The following ZBTB46 variants were observed in gnomAD, a reference collection of about 807,000 sequenced individuals.
ZBTB46 encodes the protein zinc finger and BTB domain containing 46, also known as zinc finger and BTB domain-containing protein 46.
ZBTB46 carries 8 observed loss-of-function variants against 44.1 expected under a neutral mutation model. The ratio of observed to expected loss-of-function variants is 0.18; its 90% CI spans 0.11 to 0.33. The LOEUF (loss-of-function observed/expected upper bound fraction) is 0.33, where lower values mean the gene tolerates loss of function less well. Among genes scored for constraint, ZBTB46 ranks in the 10% least tolerant of loss-of-function variants. ZBTB46 has a pLI of 1.00. For missense variants in ZBTB46, 651 were observed against 847.7 expected, an observed-to-expected ratio of 0.77 and a Z score of 2.88; for synonymous variants, 409 against 382.3, an observed-to-expected ratio of 1.07 and a Z score of -0.81.
intron 1 of ZBTB46, among the ~76,000 whole-genome samples, chr20:63,798,726 C>G (rs2092622331): frequency 7.2e-6 from 1 of 139,580 alleles, no homozygotes; most frequent in Non-Finnish European, 1.5e-5. Flanking sequence ...ACCTGTGAGT[C>G]CCAGCTACTA....
chr20:63,833,021 C>T (rs534255357), upstream of ZBTB46, among the ~76,000 whole-genome samples: 14 of 152,110 alleles, frequency 9.2e-5, no homozygotes, highest in Non-Finnish European at 1.9e-4. Flanking sequence ...GCCCCAAGGG[C>T]CTCCCGCAGA....
intron 1 of ZBTB46, among the ~76,000 whole-genome samples, chr20:63,791,495 CAAAAAAA>C (rs59810640): frequency 4.9e-5 from 3 of 61,230 alleles, no homozygotes; most frequent in East Asian, 4.2e-4. Flanking sequence ...GACTCCATCT[CAAAAAAA>C]AAAAAAAAAA....
chr20:63,811,492 C>T (rs1162121023), intron 1 of ZBTB46, among the ~76,000 whole-genome samples: 2 of 152,190 alleles, frequency 1.3e-5, no homozygotes, highest in East Asian at 3.8e-4. Flanking sequence ...GTCACCTCCT[C>T]TGAAAGTATT....
chr20:63,749,913 A>T (rs1310469708), intron 4 of ZBTB46, among the ~76,000 whole-genome samples: 1 of 152,240 alleles, frequency 6.6e-6, no homozygotes, highest in Non-Finnish European at 1.5e-5. Flanking sequence ...CCCTGGAAGG[A>T]AGCAAGAAGG....
intron 1 of ZBTB46, among the ~76,000 whole-genome samples, chr20:63,818,360 C>T (rs368725113): frequency 8.9e-4 from 136 of 152,334 alleles, no homozygotes; most frequent in African/African-American, 3.0e-3. Context: ...AGCTGGGCTG[C>T]GTAAGGAGGT....
intron 4 of ZBTB46, among the ~76,000 whole-genome samples, chr20:63,747,704 G>A (rs1177699476): frequency 6.6e-6 from 1 of 152,132 alleles, no homozygotes; most frequent in Non-Finnish European, 1.5e-5. Context: ...CAGAACTGCA[G>A]GTGGCACCAA....
chr20:63,775,366 C>A (rs2092415814), intron 3 of ZBTB46: 2 of 288,502 alleles, frequency 6.9e-6, no homozygotes, highest in Non-Finnish European at 6.5e-6. Context: ...CCGGCCCCTG[C>A]GCGACCCGGA....
chr20:63,801,410 C>T (rs1001998902), intron 1 of ZBTB46, among the ~76,000 whole-genome samples: 2 of 152,174 alleles, frequency 1.3e-5, no homozygotes, highest in African/African-American at 2.4e-5. Flanking sequence ...TCAGCTCTCT[C>T]TAAAACAGAC....
At position 63,752,647 on chromosome 20, in the gene ZBTB46, A is replaced by G. The variant is rs1359322113; in HGVS notation, c.1398+39T>C. On this transcript the variant is annotated intron_variant, in intron 4 of 4. Coordinates refer to ENST00000245663, the MANE Select transcript of ZBTB46 (RefSeq NM_001369741.1). This position sits in a 1 kb window ranked among gnomAD's most constrained non-coding sequence, Gnocchi z 5.6. ...ACCCGCCTGCCCGGACATCGTGGCCACGCGCAGCGCGCGGCACGCGGACCC... is the reference window on the plus strand; with the variant it reads ...ACCCGCCTGCCCGGACATCGTGGCCGCGCGCAGCGCGCGGCACGCGGACCC... 128 of 1,473,266 alleles carry G rather than the reference A, an allele frequency of 8.7e-5. No individual in the cohort carries two copies. The highest frequency in any genetic ancestry group is 1.2e-4 in the Non-Finnish European group (128 of 1,110,570). The allele number at this position is 1,473,266 out of a possible 1,614,324, so 91.3% of individuals were successfully genotyped here.
At chr20:63,802,928 G>A (rs2092658478) in intron 1 of ZBTB46, among the ~76,000 whole-genome samples, 1 of 152,224 alleles carries the variant, frequency 6.6e-6, no homozygotes, top group Admixed American at 6.5e-5. Flanking sequence ...CTCCAGGACT[G>A]GAGGGAACAG....
chr20:63,813,852 T>C (rs1201299986), intron 1 of ZBTB46, among the ~76,000 whole-genome samples: 1 of 152,042 alleles, frequency 6.6e-6, no homozygotes, highest in Non-Finnish European at 1.5e-5. Flanking sequence ...GCTGAGGAAG[T>C]GTTGCGGGGT....
At chr20:63,747,508 G>GGGGT in intron 4 of ZBTB46, among the ~76,000 whole-genome samples, 1 of 89,426 alleles carries the variant, frequency 1.1e-5, no homozygotes, top group East Asian at 4.1e-4. Flanking sequence ...TTGGGAGGGG[G>GGGGT]GCCAGGGGGT....
At chr20:63,749,552 G>A (rs1310492617) in intron 4 of ZBTB46, among the ~76,000 whole-genome samples, 2 of 152,316 alleles carry the variant, frequency 1.3e-5, no homozygotes, top group East Asian at 3.9e-4. Context: ...TAGCCAGGAT[G>A]GTCTCGATCT....
At chr20:63,758,894 G>A (rs2092249555) in intron 3 of ZBTB46, among the ~76,000 whole-genome samples, 1 of 126,746 alleles carries the variant, frequency 7.9e-6, no homozygotes. Flanking sequence ...ACCACGCCCG[G>A]CTAATTTTTT....
chr20:63,816,072 G>A (rs1412315501), intron 1 of ZBTB46, among the ~76,000 whole-genome samples: 1 of 115,472 alleles, frequency 8.7e-6, no homozygotes, highest in Non-Finnish European at 2.0e-5. Context: ...CGCAGGTGCA[G>A]TGGGCACAGG....
intron 1 of ZBTB46, among the ~76,000 whole-genome samples, chr20:63,804,308 G>A (rs1249830275): frequency 6.6e-6 from 1 of 152,192 alleles, no homozygotes; most frequent in African/African-American, 2.4e-5. Flanking sequence ...GCACCCAGGA[G>A]GGGGCCGGGG....
At chr20:63,832,754 C>G (rs530486747), upstream of ZBTB46, among the ~76,000 whole-genome samples, 11 of 151,904 alleles carry the variant, frequency 7.2e-5, 1 homozygote, top group East Asian at 2.1e-3. This position sits in a 1 kb window ranked among gnomAD's most constrained non-coding sequence, Gnocchi z 5.0. Flanking sequence ...ACTGCCTGCT[C>G]TGGTCTGAAA....
chr20:63,782,384 G>A (rs2092478416), intron 2 of ZBTB46, among the ~76,000 whole-genome samples: 1 of 152,168 alleles, frequency 6.6e-6, no homozygotes, highest in African/African-American at 2.4e-5. Flanking sequence ...ATGATGTCGG[G>A]CCACGAGCCA....
At chr20:63,807,424 A>G (rs192960210) in intron 1 of ZBTB46, among the ~76,000 whole-genome samples, 1 of 152,236 alleles carries the variant, frequency 6.6e-6, no homozygotes, top group African/African-American at 2.4e-5. Flanking sequence ...GGCTCACTGC[A>G]ACTTCTACCT....
Sources: gnomAD v4.1 joint callset for allele counts (sites outside exome capture counted in the v4.1 genomes callset) on GRCh38, gnomAD v4.1.1 for gene constraint, Gnocchi (gnomAD v3.1) non-coding constraint, MANE v1.5 for transcripts, NCBI Gene and HGNC (gene_info 2026-07-23, HGNC 2026-07-21) for gene names.